CNTNAP4: variants seen among roughly 807,000 people sequenced by gnomAD.
The protein encoded by CNTNAP4 is contactin associated protein family member 4.
In CNTNAP4, 98 loss-of-function variants were observed where a neutral mutation model predicts 148.4. The observed-to-expected ratio is 0.66, with a 90% confidence interval of 0.56 to 0.78. The LOEUF is 0.78. Ranked by LOEUF, CNTNAP4 falls within the 30% of genes least tolerant of loss-of-function variation. CNTNAP4 has a pLI of 0.00. For synonymous variants in CNTNAP4, 730 were observed against 565.1 expected (o/e 1.29, Z -4.14); for missense variants, 1,935 against 1,565.6 (o/e 1.24, Z -3.98).
At chr16:76,282,637 T>C (rs1958730013) in intron 1 of CNTNAP4, among the ~76,000 whole-genome samples, 1 of 151,932 alleles carries the variant, frequency 6.6e-6, no homozygotes, top group Non-Finnish European at 1.5e-5. Context: ...TAGATTTTCA[T>C]TTAAGCACTG....
chr16:76,288,605 C>A (rs1404063213), intron 1 of CNTNAP4, among the ~76,000 whole-genome samples: 1 of 152,136 alleles, frequency 6.6e-6, no homozygotes, highest in East Asian at 1.9e-4. Flanking sequence ...CTTATTCCTG[C>A]CCTGATCATA....
rs747380170 is a variant in CNTNAP4 at position 76,452,635 on chromosome 16, C to G, written c.1199C>G (p.Thr400Ser). Residue 400 changes from threonine (T) to serine (S), a missense_variant, in exon 8 of 24, where the codon ACT becomes AGT. By Grantham distance (58) the Thr-to-Ser change is moderately conservative. Transcript: ENST00000611870. Reference protein sequence around the residue: ...EEVSATFQFRTWNKAGLLLFS... With the variant: ...EEVSATFQFRSWNKAGLLLFS... ...GTTTCTGCCACTTTTCAATTTCGAA[C>G]TTGGAATAAGGCAGGGCTTCTGCTG... 3 of 1,613,834 alleles carry G rather than the reference C, an allele frequency of 1.9e-6. No homozygotes were observed. Among genetic ancestry groups the G allele is most frequent in the South Asian group, 1.1e-5 (1 of 91,082 alleles).
At chr16:76,358,289 T>A (rs1259227782) in intron 3 of CNTNAP4, among the ~76,000 whole-genome samples, 1 of 152,124 alleles carries the variant, frequency 6.6e-6, no homozygotes, top group Non-Finnish European at 1.5e-5. Flanking sequence ...TGAGCTGAGA[T>A]TGCACCACTG....
Position 76,467,341 on chromosome 16 carries a change from G to T in CNTNAP4, c.1484-11G>T. 6.2e-7 allele frequency: 1 copy of T among 1,612,522 alleles called. No homozygotes were observed. Among genetic ancestry groups the T allele is most frequent in the South Asian group, 1.1e-5 (1 of 90,996 alleles). Reference sequence around the variant, plus strand: ...TTGTGATGCGTACTGGATTTATTTCGTTTTTATCAGGTTGTCCTGACAAAA... The same window carrying T: ...TTGTGATGCGTACTGGATTTATTTCTTTTTTATCAGGTTGTCCTGACAAAA... On this transcript the variant is annotated splice_polypyrimidine_tract_variant and intron_variant, in intron 9 of 23. Transcript: ENST00000611870.
intron 2 of CNTNAP4, among the ~76,000 whole-genome samples, chr16:76,340,242 A>G (rs983420343): frequency 7.9e-5 from 12 of 152,116 alleles, no homozygotes; most frequent in African/African-American, 2.9e-4. Flanking sequence ...GAAGGCCATG[A>G]AGCAGGAACA....
At position 76,452,505 on chromosome 16, in the gene CNTNAP4, C is replaced by T; in HGVS notation, c.1072-3C>T. On this transcript the variant is annotated splice_region_variant and splice_polypyrimidine_tract_variant and intron_variant, in intron 7 of 23. Transcript: ENST00000611870. ...AAAGCTTTTTCTTTTACTTTATTCT[C>T]AGGGAAATGTGTCATTTTCTTGTTC... is the stretch of plus-strand genomic sequence containing the variant. 3.1e-6 allele frequency: 5 copies of T among 1,613,742 alleles called. No homozygotes were observed. Among genetic ancestry groups the T allele is most frequent in the Non-Finnish European group, 4.2e-6 (5 of 1,179,782 alleles).
Position 76,299,117 on chromosome 16 carries a change from G to A in CNTNAP4, c.86-17296G>A, listed in dbSNP as rs567329109. ...GGACTTCATGTCTAAAACACCAAAAGCAATGGCAACAAAAGCCAGAATTGA... is the reference window on the plus strand; with the variant it reads ...GGACTTCATGTCTAAAACACCAAAAACAATGGCAACAAAAGCCAGAATTGA... On this transcript the variant is annotated intron_variant, in intron 1 of 23. Transcript: ENST00000611870. Among the ~76,000 whole-genome samples the A allele has an allele frequency of 5.9e-5, 9 of 152,226 alleles. No homozygotes were observed. In the East Asian group the frequency reaches 1.5e-3, roughly 26 times the overall value.
rs181641773 is a variant in CNTNAP4 at position 76,342,410 on chromosome 16, G to C, written c.197-12908G>C. On this transcript the variant is annotated intron_variant, in intron 2 of 23. Coordinates refer to ENST00000611870, the MANE Select transcript of CNTNAP4 (RefSeq NM_033401.5). ...TTTTTGACATTTATGGTTGTCTATT[G>C]AGTTTGGCTGACTCTACAAATATTA... Among the ~76,000 whole-genome samples, 703 of 149,820 alleles carry C rather than the reference G, an allele frequency of 4.7e-3. 2 individuals are homozygous for C. The highest frequency in any genetic ancestry group is 0.015 in the African/African-American group (631 of 40,844).
At chr16:76,488,370 G>A (rs1232201797) in intron 12 of CNTNAP4, among the ~76,000 whole-genome samples, 1 of 152,090 alleles carries the variant, frequency 6.6e-6, no homozygotes, top group Non-Finnish European at 1.5e-5. Context: ...AAATGCAAGG[G>A]GGAAATACAA....
At chr16:76,317,306 C>CAAA (rs34684365) in intron 2 of CNTNAP4, among the ~76,000 whole-genome samples, 1 of 82,178 alleles carries the variant, frequency 1.2e-5, no homozygotes, top group African/African-American at 3.7e-5. Context: ...AAAAACCCCC[C>CAAA]AAAAAAAAAA....
In CNTNAP4 at chr16:76,461,986, C is replaced by G; in HGVS notation, c.1364C>G (p.Ser455Cys). The G allele has an allele frequency of 1.2e-6, 2 of 1,613,828 alleles. No individual in the cohort carries two copies. The highest frequency in any genetic ancestry group is 1.3e-5 in the African/African-American group (1 of 75,034). ...GVELNDGQWH[S>C]VSLSAKKNHL... ...GAATTAAATGATGGGCAGTGGCATT[C>G]TGTCTCTTTATCTGCTAAAAAGAAT... Residue 455 changes from serine to cysteine, a missense_variant, in exon 9 of 24, where the codon TCT (serine) becomes TGT (cysteine). Physicochemically the swap from Ser to Cys is moderately radical, Grantham distance 112. Transcript: ENST00000611870.
chr16:76,378,110 T>G (rs181137953), intron 3 of CNTNAP4, among the ~76,000 whole-genome samples: 5 of 152,262 alleles, frequency 3.3e-5, no homozygotes, highest in African/African-American at 1.2e-4. Flanking sequence ...GAGTTTCTTT[T>G]GTTTATTGGA....
chr16:76,312,824 A>T (rs1370689580), intron 1 of CNTNAP4, among the ~76,000 whole-genome samples: 2 of 152,232 alleles, frequency 1.3e-5, no homozygotes, highest in Non-Finnish European at 2.9e-5. Flanking sequence ...ACATTAATAT[A>T]TCAACAAGGA....
intron 8 of CNTNAP4, among the ~76,000 whole-genome samples, chr16:76,456,111 A>ATTGAC (rs75449419): frequency 0.36 from 54,071 of 151,728 alleles, 10,809 homozygotes; most frequent in Middle Eastern, 0.46. Context: ...CCATTATTCC[A>ATTGAC]ATTGGCATTG....
intron 8 of CNTNAP4, among the ~76,000 whole-genome samples, chr16:76,454,208 G>A (rs1180857385): frequency 2.0e-5 from 3 of 150,732 alleles, no homozygotes; most frequent in South Asian, 2.1e-4. Context: ...TCCGCCTCCC[G>A]GGTTCAAGTG....
chr16:76,443,294 A>C (rs2143059038), intron 4 of CNTNAP4, among the ~76,000 whole-genome samples: 1 of 152,296 alleles, frequency 6.6e-6, no homozygotes, highest in East Asian at 1.9e-4. Context: ...AATTTTGTTA[A>C]CTTCAGATTT....
intron 11 of CNTNAP4, among the ~76,000 whole-genome samples, chr16:76,477,319 C>T (rs1018714923): frequency 6.6e-6 from 1 of 151,958 alleles, no homozygotes. Flanking sequence ...TGCCCATTTC[C>T]CCCCCATTTT....
chr16:76,355,528 A>G lies in CNTNAP4; in HGVS notation c.390+17A>G. On this transcript the variant is annotated intron_variant, in intron 3 of 23. Coordinates refer to ENST00000611870, the MANE Select transcript of CNTNAP4 (RefSeq NM_033401.5). Reference sequence around the variant, plus strand: ...AGCATCTGGGTATGTTCTTTAACAAAAGACATAGTCTCTCGGGGAAAAAGT... The same window carrying G: ...AGCATCTGGGTATGTTCTTTAACAAGAGACATAGTCTCTCGGGGAAAAAGT... 1 of 1,569,622 alleles carries G rather than the reference A, an allele frequency of 6.4e-7. No homozygotes were observed. The highest frequency in any genetic ancestry group is 8.6e-7 in the Non-Finnish European group (1 of 1,157,392).
intron 3 of CNTNAP4, among the ~76,000 whole-genome samples, chr16:76,400,919 C>T (rs1047241489): frequency 6.6e-6 from 1 of 152,024 alleles, no homozygotes; most frequent in Admixed American, 6.6e-5. Context: ...ATACCATTAC[C>T]ATGGTGTTTT....
Sources: gnomAD v4.1 joint callset for allele counts (sites outside exome capture counted in the v4.1 genomes callset) on GRCh38, gnomAD v4.1.1 for gene constraint, MANE v1.5 for transcripts, NCBI Gene and HGNC (gene_info 2026-07-23, HGNC 2026-07-21) for gene names.